The following FGF1 variants were observed in gnomAD, a reference collection of about 807,000 sequenced individuals.
FGF1 encodes beta-endothelial cell growth factor.
FGF1 carries 9 observed loss-of-function variants against 13.4 expected under a neutral mutation model. That is an observed-to-expected ratio of 0.67 (90% CI 0.40 to 1.17). The LOEUF (loss-of-function observed/expected upper bound fraction) is 1.17. Ranked by LOEUF, FGF1 falls within the 50% of genes most tolerant of loss-of-function variation. FGF1 has a pLI of 0.01. For synonymous variants in FGF1, 93 were observed against 79.0 expected, an observed-to-expected ratio of 1.18 and a Z score of -0.94; for missense variants, 156 against 192.7, an observed-to-expected ratio of 0.81 and a Z score of 1.13.
intron 1 of FGF1, among the ~76,000 whole-genome samples, chr5:142,622,146 A>G (rs34020): frequency 0.3 from 45,339 of 152,166 alleles, 7,072 homozygotes; most frequent in East Asian, 0.4. Context: ...AAAATGCCTG[A>G]CACCTGATGG....
At chr5:142,615,513 C>T (rs566665911) in intron 1 of FGF1, among the ~76,000 whole-genome samples, 8 of 152,340 alleles carry the variant, frequency 5.3e-5, no homozygotes, top group Non-Finnish European at 7.3e-5. Flanking sequence ...TAAGCCACCG[C>T]GCCCGGCCTG....
intron 2 of FGF1, chr5:142,601,063 G>A (rs375539061): frequency 3.3e-6 from 2 of 600,354 alleles, no homozygotes; most frequent in Admixed American, 1.9e-5. Context: ...CCACCCTGTT[G>A]GTTACAAAAT....
At chr5:142,629,687 T>A (rs901202036) in intron 1 of FGF1, among the ~76,000 whole-genome samples, 1 of 152,048 alleles carries the variant, frequency 6.6e-6, no homozygotes, top group Non-Finnish European at 1.5e-5. Flanking sequence ...ATATGCACAC[T>A]AATGTAAACC....
At chr5:142,664,060 G>A (rs759247428) in intron 1 of FGF1, among the ~76,000 whole-genome samples, 12 of 152,300 alleles carry the variant, frequency 7.9e-5, no homozygotes, top group Non-Finnish European at 1.5e-4. Flanking sequence ...TCCTGCTGAA[G>A]GGGTCACCTG....
intron 2 of FGF1, among the ~76,000 whole-genome samples, chr5:142,611,902 C>G (rs1289698138): frequency 6.6e-6 from 1 of 152,158 alleles, no homozygotes; most frequent in Non-Finnish European, 1.5e-5. Flanking sequence ...ATATGGAAAG[C>G]TTGATGATGA....
intron 1 of FGF1, among the ~76,000 whole-genome samples, chr5:142,665,354 C>T (rs938929884): frequency 1.3e-5 from 2 of 151,976 alleles, no homozygotes; most frequent in African/African-American, 4.8e-5. Context: ...CCCTGTCCCA[C>T]TCCCCTCCTC....
At chr5:142,683,800 A>G (rs1465130081) in intron 1 of FGF1, among the ~76,000 whole-genome samples, 4 of 144,988 alleles carry the variant, frequency 2.8e-5, no homozygotes, top group African/African-American at 1.0e-4. Flanking sequence ...CAGCCTGAGC[A>G]ACAAGAGTGA....
chr5:142,618,929 G>GTTTTTTTTTTTTTTTT (rs869093279), intron 1 of FGF1, among the ~76,000 whole-genome samples: 2 of 61,252 alleles, frequency 3.3e-5, no homozygotes, highest in Non-Finnish European at 5.9e-5. Flanking sequence ...TAGTTGTTTT[G>GTTTTTTTTTTTTTTTT]TTTTTTTTTT....
At chr5:142,660,010 C>T (rs1004853005) in intron 1 of FGF1, among the ~76,000 whole-genome samples, 4 of 152,214 alleles carry the variant, frequency 2.6e-5, no homozygotes, top group Admixed American at 6.5e-5. Flanking sequence ...GCAGGCCCTG[C>T]GTCAGGCGAT....
At chr5:142,667,142 A>G (rs1256984724) in intron 1 of FGF1, among the ~76,000 whole-genome samples, 2 of 151,424 alleles carry the variant, frequency 1.3e-5, no homozygotes, top group Admixed American at 1.3e-4. Flanking sequence ...TAGCTGGGCA[A>G]CGGTGGTGAC....
intron 2 of FGF1, among the ~76,000 whole-genome samples, chr5:142,691,471 A>AAAATAAAAT (rs1364915656): frequency 9.6e-5 from 11 of 114,454 alleles, no homozygotes; most frequent in African/African-American, 4.1e-4. Flanking sequence ...AAAATAAAAT[A>AAAATAAAAT]AAATAAAATA....
intron 1 of FGF1, among the ~76,000 whole-genome samples, chr5:142,616,172 A>G (rs1274080816): frequency 6.6e-6 from 1 of 152,174 alleles, no homozygotes; most frequent in African/African-American, 2.4e-5. Context: ...CAAGACACCA[A>G]TTACAATAAT....
intron 1 of FGF1, among the ~76,000 whole-genome samples, chr5:142,620,951 T>C (rs1761464024): frequency 6.6e-6 from 1 of 152,178 alleles, no homozygotes; most frequent in South Asian, 2.1e-4. Flanking sequence ...CCTTTCAGTT[T>C]TACCTTTTTA....
At chr5:142,596,537 A>G (rs1184697815) in intron 3 of FGF1, among the ~76,000 whole-genome samples, 27 of 131,788 alleles carry the variant, frequency 2.0e-4, no homozygotes, top group East Asian at 7.1e-4. Context: ...GAGCCCAGGA[A>G]TTTGAGGCCA....
intron 1 of FGF1, among the ~76,000 whole-genome samples, chr5:142,641,968 T>C (rs1453339461): frequency 6.6e-5 from 10 of 152,230 alleles, no homozygotes; most frequent in Non-Finnish European, 1.3e-4. Context: ...ATGAATTTCA[T>C]GGAGCTGAAA....
chr5:142,667,932 G>C (rs1202969937), intron 1 of FGF1, among the ~76,000 whole-genome samples: 1 of 152,200 alleles, frequency 6.6e-6, no homozygotes, highest in African/African-American at 2.4e-5. Flanking sequence ...CGCTCCCACT[G>C]ACTTGGGATG....
At chr5:142,603,852 G>A (rs1757097003) in intron 2 of FGF1, among the ~76,000 whole-genome samples, 1 of 152,140 alleles carries the variant, frequency 6.6e-6, no homozygotes, top group South Asian at 2.1e-4. Flanking sequence ...TTTGCGCTCA[G>A]TCTCCATAAA....
chr5:142,595,337 C>A lies in FGF1; in HGVS notation c.421G>T (p.Gly141Cys). 6.2e-7 allele frequency: 1 copy of A among 1,614,008 alleles called. No homozygotes were observed. Among genetic ancestry groups the A allele is most frequent in the South Asian group, 1.1e-5 (1 of 91,078 alleles). The change falls in exon 4 of 4, where the codon GGC becomes TGC. Residue 141 changes from glycine to cysteine, a missense_variant. Physicochemically the swap from Gly to Cys is radical, Grantham distance 159. Coordinates refer to ENST00000337706, the MANE Select transcript of FGF1 (RefSeq NM_000800.5). ...SCKRGPRTHYGQKAILFLPLP... is the reference protein window; with the variant it reads ...SCKRGPRTHYCQKAILFLPLP... ...GGGAGAAACAAGATTGCTTTCTGGC[C>A]ATAGTGAGTCCGAGGACCGCGTTTG...
chr5:142,618,175 T>A (rs1278477423), intron 1 of FGF1, among the ~76,000 whole-genome samples: 1 of 152,064 alleles, frequency 6.6e-6, no homozygotes, highest in Non-Finnish European at 1.5e-5. Flanking sequence ...ACGGGTGAGA[T>A]TTTAGGAAAT....
Sources: gnomAD v4.1 joint callset for allele counts (sites outside exome capture counted in the v4.1 genomes callset) on GRCh38, gnomAD v4.1.1 for gene constraint, MANE v1.5 for transcripts, NCBI Gene and HGNC (gene_info 2026-07-23, HGNC 2026-07-21) for gene names.